The following RANBP2 variants were observed in gnomAD, a reference collection of about 807,000 sequenced individuals.
RANBP2 encodes E3 SUMO-protein ligase RanBP2.
Under a neutral mutation model 303.6 loss-of-function variants are expected in RANBP2, and 57 were observed. The ratio of observed to expected loss-of-function variants is 0.19; its 90% confidence interval spans 0.15 to 0.23. The LOEUF (loss-of-function observed/expected upper bound fraction) is 0.23, where lower values mean the gene tolerates loss of function less well. Ranked by LOEUF, RANBP2 falls within the 10% of genes least tolerant of loss-of-function variation. The probability of loss-of-function intolerance (pLI) is 1.00; values close to 1 mark genes in which losing one functional copy is unlikely to be tolerated. For missense variants in RANBP2, 3,138 were observed against 3,780.8 expected (o/e 0.83, Z 4.46); for synonymous variants, 1,167 against 1,301.5 (o/e 0.90, Z 2.23).
chr2:109,241,402 G>A, the RANBP2 span, among the ~76,000 whole-genome samples: 2 of 152,198 alleles, frequency 1.3e-5, no homozygotes, highest in Non-Finnish European at 2.9e-5. Context: ...GGCCATATGG[G>A]TATAGATGCA....
chr2:108,728,754 C>T (rs185516504), intron 1 of RANBP2, among the ~76,000 whole-genome samples: 190 of 152,274 alleles, frequency 1.2e-3, no homozygotes, highest in African/African-American at 4.4e-3. Flanking sequence ...AACTGATTCT[C>T]GTGCCTTAGC....
the RANBP2 span, among the ~76,000 whole-genome samples, chr2:108,927,390 C>A: frequency 2.6e-5 from 4 of 152,194 alleles, no homozygotes; most frequent in Non-Finnish European, 4.4e-5. Context: ...TCCACATTCG[C>A]CTGAATTCTT....
chr2:109,078,826 CA>C, the RANBP2 span, among the ~76,000 whole-genome samples: 17,262 of 105,306 alleles, frequency 0.16, 1,304 homozygotes, highest in African/African-American at 0.27. Flanking sequence ...ACTAAAAATA[CA>C]AAAAAAAAAA....
the RANBP2 span, among the ~76,000 whole-genome samples, chr2:109,470,949 G>A: frequency 6.6e-6 from 1 of 152,180 alleles, no homozygotes; most frequent in African/African-American, 2.4e-5. Context: ...GCTGGGTGCG[G>A]TGGCTCACGC....
At chr2:108,776,223 C>G (rs1402002875) in intron 24 of RANBP2, among the ~76,000 whole-genome samples, 2 of 151,962 alleles carry the variant, frequency 1.3e-5, no homozygotes, top group African/African-American at 4.8e-5. Flanking sequence ...CATGTAATTT[C>G]CTTTGTGATA....
the RANBP2 span, among the ~76,000 whole-genome samples, chr2:109,647,181 T>TTTG: frequency 1.7e-4 from 17 of 101,230 alleles, no homozygotes; most frequent in African/African-American, 5.4e-4. Context: ...TTTTTTTTTT[T>TTTG]TGAGATGGAA....
the RANBP2 span, among the ~76,000 whole-genome samples, chr2:109,695,962 C>T: frequency 6.6e-6 from 1 of 151,812 alleles, no homozygotes; most frequent in African/African-American, 2.4e-5. Context: ...CTCCTCCTCT[C>T]TCACTTTTTC....
chr2:109,522,361 G>A, the RANBP2 span, among the ~76,000 whole-genome samples: 2 of 150,548 alleles, frequency 1.3e-5, no homozygotes, highest in South Asian at 2.1e-4. Flanking sequence ...GCGCAATCTC[G>A]GCTCACTGCA....
At chr2:108,921,025 C>T in the RANBP2 span, among the ~76,000 whole-genome samples, 10 of 152,288 alleles carry the variant, frequency 6.6e-5, no homozygotes, top group Admixed American at 4.6e-4. Context: ...TCTGGCTCAC[C>T]CAGACCTGAT....
chr2:109,406,888 A>G, the RANBP2 span, among the ~76,000 whole-genome samples: 1 of 152,186 alleles, frequency 6.6e-6, no homozygotes, highest in Non-Finnish European at 1.5e-5. Flanking sequence ...AGGGGTGGGC[A>G]CATGGAGTCC....
At chr2:109,537,912 C>T in the RANBP2 span, among the ~76,000 whole-genome samples, 1 of 152,150 alleles carries the variant, frequency 6.6e-6, no homozygotes, top group African/African-American at 2.4e-5. Flanking sequence ...TGTGCCACTG[C>T]ACTCTAGCTC....
the RANBP2 span, among the ~76,000 whole-genome samples, chr2:109,483,321 T>C: frequency 2.0e-5 from 3 of 152,230 alleles, no homozygotes; most frequent in African/African-American, 7.2e-5. Context: ...TATCTAAAGT[T>C]TCCTGCAAGC....
the RANBP2 span, among the ~76,000 whole-genome samples, chr2:108,926,574 G>C: frequency 4.7e-4 from 71 of 152,204 alleles, no homozygotes; most frequent in Non-Finnish European, 1.0e-3. Flanking sequence ...CCAGAATCGC[G>C]GGGTGGTGGA....
the RANBP2 span, among the ~76,000 whole-genome samples, chr2:109,148,246 C>T: frequency 6.6e-6 from 1 of 152,222 alleles, no homozygotes; most frequent in Non-Finnish European, 1.5e-5. Flanking sequence ...TATCTGTTTT[C>T]TCTTGTGAGA....
chr2:108,824,739 CT>C, the RANBP2 span, among the ~76,000 whole-genome samples: 44 of 152,042 alleles, frequency 2.9e-4, no homozygotes, highest in African/African-American at 1.0e-3. Flanking sequence ...ATGTGTTATA[CT>C]TTTATTCTAC....
the RANBP2 span, among the ~76,000 whole-genome samples, chr2:108,815,006 TA>T: frequency 2.6e-4 from 40 of 152,156 alleles, no homozygotes; most frequent in African/African-American, 8.2e-4. Context: ...GGTATCTTAT[TA>T]AAAAAAATTG....
chr2:108,851,590 AC>A, the RANBP2 span, among the ~76,000 whole-genome samples: 5 of 151,608 alleles, frequency 3.3e-5, no homozygotes, highest in African/African-American at 1.2e-4. Flanking sequence ...GGCGTGAGCC[AC>A]CGCGCCCGGC....
chr2:109,384,378 C>T, the RANBP2 span, among the ~76,000 whole-genome samples: 1 of 152,000 alleles, frequency 6.6e-6, no homozygotes, highest in Admixed American at 6.6e-5. Flanking sequence ...TTCCTGTCAG[C>T]GCTCGGGACT....
At chr2:108,874,704 G>A in the RANBP2 span, among the ~76,000 whole-genome samples, 4 of 152,072 alleles carry the variant, frequency 2.6e-5, no homozygotes, top group East Asian at 5.8e-4. Context: ...GTAGAGGATT[G>A]TAATAAATTA....
Sources: gnomAD v4.1 joint callset for allele counts (sites outside exome capture counted in the v4.1 genomes callset) on GRCh38, gnomAD v4.1.1 for gene constraint, MANE v1.5 for transcripts, NCBI Gene and HGNC (gene_info 2026-07-23, HGNC 2026-07-21) for gene names.